The following ZNF85 variants were observed in gnomAD, a reference collection of about 807,000 sequenced individuals.
ZNF85 encodes zinc finger protein 85 (HPF4, HTF1).
ZNF85 carries 50 observed loss-of-function variants against 53.9 expected under a neutral mutation model. That is an observed-to-expected ratio of 0.93 (90% CI 0.74 to 1.17). The LOEUF is 1.17. Among genes scored for constraint, ZNF85 ranks in the 50% most tolerant of loss-of-function variants. ZNF85 has a pLI of 0.00. For synonymous variants in ZNF85, 225 were observed against 226.1 expected (o/e 1.00, Z 0.04); for missense variants, 747 against 688.5 (o/e 1.08, Z -0.95).
Position 20,949,211 on chromosome 19 carries a change from G to T in ZNF85, c.697G>T (p.Glu233Ter), listed in dbSNP as rs761694194. 6.2e-7 allele frequency: 1 copy of T among 1,612,890 alleles called. No homozygotes were observed. The highest frequency in any genetic ancestry group is 2.2e-5 in the East Asian group (1 of 44,812). The change falls in exon 4 of 4, where the codon GAA becomes TAA. Residue 233 changes from glutamate (E) to a stop codon, truncating the protein, a stop_gained. Coordinates refer to ENST00000328178, the MANE Select transcript of ZNF85 (RefSeq NM_003429.5). LOFTEE classifies it high-confidence loss of function. ...TACGGGAGAGAAACCTTACAAATGT[G>T]AAGAATGTGGTAAAGCCTTTAACCA... ...IHTGEKPYKC[E>*]ECGKAFNQSS...
At position 20,949,674 on chromosome 19, in the gene ZNF85, C is replaced by T. The variant is rs1568557825; in HGVS notation, c.1160C>T (p.Thr387Ile). Residue 387 changes from threonine to isoleucine, a missense_variant, in exon 4 of 4, where the codon ACA (threonine) becomes ATA (isoleucine). Physicochemically the swap from Thr to Ile is moderately conservative, Grantham distance 89 (BLOSUM62 -1). Coordinates refer to ENST00000328178, the MANE Select transcript of ZNF85 (RefSeq NM_003429.5). ...TTTAATCATTTCTCACACCTTACTA[C>T]ACATAAGATAATTCATACTGGAGAG... ...KAFNHFSHLT[T>I]HKIIHTGEKP... 6.2e-7 allele frequency: 1 copy of T among 1,612,528 alleles called. No individual in the cohort carries two copies. Among genetic ancestry groups the T allele is most frequent in the Non-Finnish European group, 8.5e-7 (1 of 1,179,362 alleles).
intron 3 of ZNF85, 104 bp from the exon 4 acceptor site, chr19:20,948,640 C>T (rs775353752): frequency 3.2e-5 from 27 of 847,976 alleles, no homozygotes; most frequent in Non-Finnish European, 4.3e-5. Flanking sequence ...TTTTGCTGTG[C>T]CATCTTACTT....
At chr19:20,932,225 G>A (rs1213022500) in intron 1 of ZNF85, among the ~76,000 whole-genome samples, 2 of 152,136 alleles carry the variant, frequency 1.3e-5, no homozygotes, top group South Asian at 2.1e-4. Flanking sequence ...GGAAAAAAAT[G>A]GCTTCTTTTT....
At chr19:20,942,822 C>G in intron 3 of ZNF85, 1 of 699,690 alleles carries the variant, frequency 1.4e-6, no homozygotes, top group Non-Finnish European at 2.6e-6. Flanking sequence ...GTCACCCAGT[C>G]TGGAATGCAG....
chr19:20,946,340 G>T, intron 3 of ZNF85: 1 of 430,216 alleles, frequency 2.3e-6, no homozygotes, highest in South Asian at 1.7e-5. Context: ...TATTGAGAAA[G>T]GTGTATATCC....
chr19:20,940,116 AC>A (rs1325975698), intron 3 of ZNF85, among the ~76,000 whole-genome samples: 1 of 151,430 alleles, frequency 6.6e-6, no homozygotes, highest in African/African-American at 2.4e-5. Flanking sequence ...AAAAAAAAAA[AC>A]ACTTTGTGAT....
chr19:20,938,210 C>T (rs572652870), intron 3 of ZNF85, among the ~76,000 whole-genome samples: 3 of 152,288 alleles, frequency 2.0e-5, no homozygotes, highest in East Asian at 1.9e-4. Flanking sequence ...GCTAAAATTA[C>T]AGGCACACAC....
chr19:20,942,381 A>T (rs1157290990), intron 3 of ZNF85, among the ~76,000 whole-genome samples: 3 of 151,978 alleles, frequency 2.0e-5, no homozygotes, highest in Non-Finnish European at 4.4e-5. Context: ...TGACCTCATG[A>T]TCCACCTGCC....
intron 1 of ZNF85, among the ~76,000 whole-genome samples, chr19:20,925,506 G>C (rs1203055288): frequency 1.3e-5 from 2 of 151,520 alleles, no homozygotes; most frequent in Non-Finnish European, 2.9e-5. Flanking sequence ...CTATTTCTTG[G>C]AGACACATTG....
Position 20,948,839 on chromosome 19 carries a change from C to T in ZNF85, c.325C>T (p.His109Tyr). ...VTLKRYGKCR[H>Y]ENLPLRKGCE... ...ACTGAAAAGATATGGAAAATGTAGA[C>T]ATGAAAATTTACCATTAAGAAAAGG... Residue 109 changes from histidine (H) to tyrosine (Y), a missense_variant, in exon 4 of 4, where the codon CAT (histidine) becomes TAT (tyrosine). By Grantham distance (83) the His-to-Tyr change is moderately conservative. Coordinates refer to ENST00000328178, the MANE Select transcript of ZNF85 (RefSeq NM_003429.5). 6.2e-7 allele frequency: 1 copy of T among 1,612,938 alleles called. No individual in the cohort carries two copies. Among genetic ancestry groups the T allele is most frequent in the East Asian group, 2.2e-5 (1 of 44,848 alleles).
chr19:20,948,978 C>T lies in ZNF85; in HGVS notation c.464C>T (p.Ala155Val), dbSNP rs62124031. The change falls in exon 4 of 4, where the codon GCT (alanine) becomes GTT (valine). Residue 155 changes from alanine (A) to valine (V), a missense_variant. Ala to Val is a moderately conservative substitution (Grantham distance 64). Coordinates refer to ENST00000328178, the MANE Select transcript of ZNF85 (RefSeq NM_003429.5). ...IFQCDKYVKVAHKFSNSNRHE... is the reference protein window; with the variant it reads ...IFQCDKYVKVVHKFSNSNRHE... ...CAATGTGATAAATATGTAAAAGTCG[C>T]TCATAAATTTTCAAATTCAAACAGA... 6.2e-7 allele frequency: 1 copy of T among 1,613,510 alleles called. No individual in the cohort carries two copies. The highest frequency in any genetic ancestry group is 8.5e-7 in the Non-Finnish European group (1 of 1,179,730).
At chr19:20,930,738 C>T (rs1349457925) in intron 1 of ZNF85, among the ~76,000 whole-genome samples, 1 of 152,118 alleles carries the variant, frequency 6.6e-6, no homozygotes, top group African/African-American at 2.4e-5. Context: ...TTTAATGAGC[C>T]AGCAAAGAAT....
chr19:20,947,834 A>G (rs1466631734), intron 3 of ZNF85, among the ~76,000 whole-genome samples: 1 of 151,204 alleles, frequency 6.6e-6, no homozygotes, highest in Non-Finnish European at 1.5e-5. Context: ...TGTTATCCTC[A>G]TTCTTCTAAT....
rs35802891 is a variant in ZNF85, at chr19:20,950,477, TTAAA to T, written c.*177_*180del. On this transcript the variant is annotated 3_prime_UTR_variant, in exon 4 of 4. Transcript: ENST00000328178. ...AAATGTGAAGACTATGGCAAAGTCT[TTAAA>T]TGGTTGTCACACTTTAGGTAAGATA... is the stretch of plus-strand genomic sequence containing the variant. 55,818 of 500,332 alleles carry T rather than the reference TTAAA, an allele frequency of 0.11. 3,476 individuals carry two copies. The highest frequency in any genetic ancestry group is 0.16 in the African/African-American group (8,349 of 50,624). 31.0% of individuals were successfully genotyped at this position (500,332 alleles called of 1,614,324 possible).
Position 20,950,577 on chromosome 19 carries a change from CAGA to C in ZNF85, c.*277_*279del, listed in dbSNP as rs577468539. ...TAATTTATGCTCACACCTTACTGCA[CAGA>C]AAAGAATTTTTAGTTGAGAAAAAGT... On this transcript the variant is annotated 3_prime_UTR_variant, in exon 4 of 4. Transcript: ENST00000328178. The C allele has an allele frequency of 4.5e-4, 129 of 287,828 alleles. 1 individual carries two copies. The East Asian group carries it at 7.7e-3, about 17-fold the overall frequency. The allele number at this position is 287,828 out of a possible 1,614,324, so 17.8% of individuals were successfully genotyped here. A position where few individuals can be genotyped will look rare whatever the true frequency, so the allele number is the denominator to read the frequency against.
intron 3 of ZNF85, among the ~76,000 whole-genome samples, chr19:20,942,608 T>G (rs1973323473): frequency 6.6e-6 from 1 of 152,214 alleles, no homozygotes; most frequent in Admixed American, 6.5e-5. Flanking sequence ...TATTGACATC[T>G]TTGAAAAATT....
Position 20,938,741 on chromosome 19 carries a change from G to A in ZNF85, c.229+3694G>A, listed in dbSNP as rs974091678. 6.6e-5 allele frequency among the ~76,000 whole-genome samples: 10 copies of A among 152,066 alleles called. No individual in the cohort carries two copies. In the South Asian group the frequency reaches 8.3e-4, roughly 13 times the overall value. On this transcript the variant is annotated intron_variant, in intron 3 of 3. Transcript: ENST00000328178. ...AATTTAAGTTTGCTGCAGGCAAAAC[G>A]GAATTATAGGATATTCACCCACTTT...
At chr19:20,948,113 A>C (rs1179472415) in intron 3 of ZNF85, among the ~76,000 whole-genome samples, 1 of 152,084 alleles carries the variant, frequency 6.6e-6, no homozygotes, top group Non-Finnish European at 1.5e-5. Flanking sequence ...GAGTTTCTCT[A>C]ACATGTTCTT....
chr19:20,931,967 C>T (rs1260020166), intron 1 of ZNF85, among the ~76,000 whole-genome samples: 1 of 152,094 alleles, frequency 6.6e-6, no homozygotes, highest in Non-Finnish European at 1.5e-5. Flanking sequence ...GGGAGGGCAC[C>T]TGAGAACAGG....
Sources: allele counts gnomAD v4.1 joint callset (sites outside exome capture counted in the v4.1 genomes callset), GRCh38; gene constraint gnomAD v4.1.1; transcripts MANE v1.5; gene names NCBI Gene and HGNC (gene_info 2026-07-23, HGNC 2026-07-21).